Variants in PCDHGA5 observed in about 807,000 individuals in gnomAD.
The protein encoded by PCDHGA5 is protocadherin gamma subfamily A, 5.
A neutral mutation model predicts 56.7 loss-of-function variants in PCDHGA5; 36 were observed. The observed-to-expected ratio is 0.64, with a 90% CI of 0.49 to 0.84. The LOEUF is 0.84. Ranked by LOEUF, PCDHGA5 falls within the 40% of genes least tolerant of loss-of-function variation. The pLI is 0.00. For synonymous variants in PCDHGA5, 563 were observed against 520.2 expected (o/e 1.08, Z -1.12); for missense variants, 1,305 against 1,201.5 (o/e 1.09, Z -1.27).
chr5:141,417,861 T>A, intron 1 of PCDHGA5: 3 of 1,549,554 alleles, frequency 1.9e-6, no homozygotes, highest in Non-Finnish European at 2.6e-6. Context: ...GAGCGAACGA[T>A]GGGAGGGAGC....
intron 1 of PCDHGA5, chr5:141,426,713 AC>A: frequency 2.2e-6 from 1 of 445,196 alleles, no homozygotes; most frequent in Middle Eastern, 3.3e-4. Flanking sequence ...AAATCAATGA[AC>A]TAGCAATTCC....
intron 3 of PCDHGA5, 40 bp downstream of exon 3, chr5:141,505,521 T>C: frequency 1.9e-6 from 3 of 1,612,684 alleles, no homozygotes; most frequent in Non-Finnish European, 2.5e-6. Context: ...GTGGGAGACC[T>C]GGGGTTCTGG....
In PCDHGA5 at chr5:141,365,190, A is replaced by C. The variant is rs1188827131; in HGVS notation, c.860A>C (p.Lys287Thr). ...LTYSFRNEEE[K>T]ISETFQLDSN... ...TACTCTTTTCGCAATGAAGAAGAAAAAATTTCGGAGACTTTCCAACTTGAT... is the reference window on the plus strand; with the variant it reads ...TACTCTTTTCGCAATGAAGAAGAAACAATTTCGGAGACTTTCCAACTTGAT... The change falls in exon 1 of 4, where the codon AAA becomes ACA. Residue 287 changes from lysine (K) to threonine (T), a missense_variant. Physicochemically the swap from Lys to Thr is moderately conservative, Grantham distance 78. Coordinates refer to ENST00000518069, the MANE Select transcript of PCDHGA5 (RefSeq NM_018918.3). 6.2e-7 allele frequency: 1 copy of C among 1,613,890 alleles called. No individual in the cohort carries two copies. The highest frequency in any genetic ancestry group is 1.1e-5 in the South Asian group (1 of 91,070).
Position 141,493,477 on chromosome 5 carries a change from G to A in PCDHGA5, c.2422-1330G>A, listed in dbSNP as rs1657824440. On this transcript the variant is annotated intron_variant, in intron 1 of 3. Transcript: ENST00000518069. This position sits in a 1 kb window ranked among gnomAD's most constrained non-coding sequence, Gnocchi z 4.3. ...TTCCCTTTTAGGACCTTACATGTGG[G>A]GAAAGTCTTCTGTGGCTCCTCATTT... is the stretch of plus-strand genomic sequence containing the variant. Among the ~76,000 whole-genome samples, 3 of 152,124 alleles carry A rather than the reference G, an allele frequency of 2.0e-5. No individual in the cohort carries two copies. The highest frequency in any genetic ancestry group is 6.5e-5 in the Admixed American group (1 of 15,272).
At chr5:141,393,276 C>T (rs773579763) in intron 1 of PCDHGA5, 1 of 1,613,968 alleles carries the variant, frequency 6.2e-7, no homozygotes, top group African/African-American at 1.3e-5. Context: ...TTATCCACTC[C>T]CAGAAGCTGT....
intron 1 of PCDHGA5, chr5:141,371,837 G>A: frequency 6.2e-7 from 1 of 1,613,710 alleles, no homozygotes; most frequent in South Asian, 1.1e-5. Context: ...ATCCCGACTT[G>A]GGACCTAATG....
intron 1 of PCDHGA5, chr5:141,394,332 A>T (rs1270394666): frequency 1.9e-6 from 3 of 1,614,010 alleles, no homozygotes; most frequent in Non-Finnish European, 2.5e-6. Flanking sequence ...GTATATCTCC[A>T]TCAACTCTGA....
At chr5:141,479,685 G>C (rs749895405) in intron 1 of PCDHGA5, 2 of 152,130 alleles carry the variant, frequency 1.3e-5, no homozygotes, top group Non-Finnish European at 2.9e-5. Context: ...AGTCTTTTTG[G>C]TGCCTCCAGT....
intron 1 of PCDHGA5, among the ~76,000 whole-genome samples, chr5:141,429,712 C>T (rs998121271): frequency 1.3e-5 from 2 of 151,994 alleles, no homozygotes; most frequent in African/African-American, 2.4e-5. Flanking sequence ...TAAATATTTA[C>T]GCTCATGAAA....
chr5:141,393,376 G>C (rs749009041), intron 1 of PCDHGA5: 2 of 1,613,842 alleles, frequency 1.2e-6, no homozygotes, highest in African/African-American at 2.7e-5. Flanking sequence ...GGAGACAATG[G>C]AGCCATAAAC....
At chr5:141,410,636 T>G (rs1050547360) in intron 1 of PCDHGA5, 1 of 1,599,982 alleles carries the variant, frequency 6.3e-7, no homozygotes, top group Admixed American at 1.7e-5. Context: ...TTTCTCTTTT[T>G]TGTGTGTGAT....
chr5:141,475,731 C>T (rs991175739), intron 1 of PCDHGA5, among the ~76,000 whole-genome samples: 1 of 152,248 alleles, frequency 6.6e-6, no homozygotes, highest in African/African-American at 2.4e-5. Context: ...GGCTGGCTTT[C>T]CCTAAGGTAG....
At chr5:141,429,045 G>C (rs919761577) in intron 1 of PCDHGA5, 15 of 151,954 alleles carry the variant, frequency 9.9e-5, no homozygotes, top group African/African-American at 2.9e-4. Context: ...TAGTACAGAC[G>C]GGGTTTCACC....
At chr5:141,407,767 G>T (rs1458257073) in intron 1 of PCDHGA5, among the ~76,000 whole-genome samples, 1 of 152,140 alleles carries the variant, frequency 6.6e-6, no homozygotes, top group Non-Finnish European at 1.5e-5. Context: ...GTTTGAAATT[G>T]TGCATAATAG....
In PCDHGA5 at chr5:141,405,166, A is replaced by G. The variant is rs1303146593; in HGVS notation, c.2421+38415A>G. The G allele has an allele frequency of 9.3e-6, 15 of 1,613,862 alleles. No individual in the cohort carries two copies. In the East Asian group the frequency reaches 3.3e-4, roughly 36 times the overall value. On this transcript the variant is annotated intron_variant, in intron 1 of 3. Coordinates refer to ENST00000518069, the MANE Select transcript of PCDHGA5 (RefSeq NM_018918.3). Reference sequence around the variant, plus strand: ...ATGGGTTGGCTGGTGTGCCCACCTCACACTTTGTGGGTGTAGATGGGGTTC... The same window carrying G: ...ATGGGTTGGCTGGTGTGCCCACCTCGCACTTTGTGGGTGTAGATGGGGTTC...
chr5:141,427,999 T>A, intron 1 of PCDHGA5: 1 of 1,601,186 alleles, frequency 6.2e-7, no homozygotes, highest in Non-Finnish European at 8.5e-7. Context: ...GGCTCCGCAC[T>A]CTTCGATATA....
At chr5:141,420,722 A>G (rs1428516588) in intron 1 of PCDHGA5, among the ~76,000 whole-genome samples, 1 of 152,226 alleles carries the variant, frequency 6.6e-6, no homozygotes, top group African/African-American at 2.4e-5. Context: ...CGTTCCTTTC[A>G]GTCGGTTAAA....
intron 1 of PCDHGA5, chr5:141,403,784 G>C: frequency 1.9e-6 from 3 of 1,613,906 alleles, no homozygotes; most frequent in East Asian, 2.2e-5. Context: ...CGGAAAAGTG[G>C]CATACAAATT....
intron 1 of PCDHGA5, chr5:141,395,463 C>G (rs1164636639): frequency 6.9e-6 from 4 of 582,400 alleles, no homozygotes; most frequent in African/African-American, 5.7e-5. Flanking sequence ...CCATTTTAAG[C>G]CTTCCAGTAT....
Sources: allele counts gnomAD v4.1 joint callset (sites outside exome capture counted in the v4.1 genomes callset), GRCh38; gene constraint gnomAD v4.1.1; non-coding constraint Gnocchi (gnomAD v3.1); transcripts MANE v1.5; gene names NCBI Gene and HGNC (gene_info 2026-07-23, HGNC 2026-07-21).